Variants in AP3B1 observed in about 807,000 individuals in gnomAD.
AP3B1 encodes adaptor related protein complex 3 subunit beta 1, also known as AP-3 complex subunit beta-1.
AP3B1 carries 61 observed loss-of-function variants against 132.5 expected under a neutral mutation model. The observed-to-expected ratio is 0.46, with a 90% CI of 0.37 to 0.57. The LOEUF is 0.57. Ranked by LOEUF, AP3B1 falls within the 20% of genes least tolerant of loss-of-function variation. The pLI is 0.00. For synonymous variants in AP3B1, 388 were observed against 438.3 expected (o/e 0.89, Z 1.43); for missense variants, 1,120 against 1,289.4 (o/e 0.87, Z 2.01).
chr5:78,248,235 T>G (rs1241011557), intron 2 of AP3B1, among the ~76,000 whole-genome samples: 2 of 152,074 alleles, frequency 1.3e-5, no homozygotes, highest in Non-Finnish European at 2.9e-5. Flanking sequence ...CTCACGCCTG[T>G]AATCCCAGCA....
At chr5:78,257,342 A>T (rs1747888455) in intron 2 of AP3B1, among the ~76,000 whole-genome samples, 1 of 152,204 alleles carries the variant, frequency 6.6e-6, no homozygotes, top group Non-Finnish European at 1.5e-5. Flanking sequence ...CAAAATCAAC[A>T]TACCAAAATC....
chr5:78,035,376 TTATC>T (rs1454107073), intron 23 of AP3B1, among the ~76,000 whole-genome samples: 1 of 152,056 alleles, frequency 6.6e-6, no homozygotes, highest in African/African-American at 2.4e-5. Context: ...ATATTTAGCT[TTATC>T]TATTCTCTAT....
intron 21 of AP3B1, among the ~76,000 whole-genome samples, chr5:78,099,722 C>T (rs1026044086): frequency 6.6e-6 from 1 of 151,846 alleles, no homozygotes; most frequent in African/African-American, 2.4e-5. Context: ...CAGTGAAACC[C>T]GCCTCTACTA....
intron 22 of AP3B1, among the ~76,000 whole-genome samples, chr5:78,070,409 G>A (rs1156574469): frequency 1.8e-3 from 231 of 131,120 alleles, no homozygotes; most frequent in East Asian, 4.3e-3. Flanking sequence ...TCCATCTCAA[G>A]AAAAAAAAAA....
chr5:78,279,796 A>G (rs1748961115), intron 1 of AP3B1, among the ~76,000 whole-genome samples: 1 of 146,186 alleles, frequency 6.8e-6, no homozygotes, highest in East Asian at 2.0e-4. Flanking sequence ...TATATATATT[A>G]TATATTAAGT....
At chr5:78,171,854 A>G (rs554507092) in intron 11 of AP3B1, among the ~76,000 whole-genome samples, 26 of 152,340 alleles carry the variant, frequency 1.7e-4, no homozygotes, top group African/African-American at 4.3e-4. Context: ...TTGCCCATTC[A>G]GTATGATATT....
intron 7 of AP3B1, among the ~76,000 whole-genome samples, chr5:78,182,688 T>C (rs1188408585): frequency 2.0e-5 from 3 of 152,102 alleles, no homozygotes; most frequent in Non-Finnish European, 4.4e-5. Flanking sequence ...TATAAAACTT[T>C]TAGAAGTAAC....
chr5:78,185,859 G>C (rs768123345), intron 7 of AP3B1, among the ~76,000 whole-genome samples: 1 of 152,016 alleles, frequency 6.6e-6, no homozygotes, highest in Non-Finnish European at 1.5e-5. Flanking sequence ...GACAGAGTGA[G>C]ACCCTATCTC....
At chr5:78,193,732 G>GTGTATATATATATATC (rs1340871803) in intron 7 of AP3B1, among the ~76,000 whole-genome samples, 122 of 89,222 alleles carry the variant, frequency 1.4e-3, no homozygotes, top group African/African-American at 4.8e-3. Context: ...TTAAATATTT[G>GTGTATATATATATATC]TATATATTTT....
chr5:78,032,205 C>G (rs1561363833), intron 24 of AP3B1, among the ~76,000 whole-genome samples: 1 of 152,074 alleles, frequency 6.6e-6, no homozygotes, highest in Non-Finnish European at 1.5e-5. Context: ...AATCCAGAAG[C>G]TAAAGTAGGA....
chr5:78,184,123 T>C (rs1260272647), intron 7 of AP3B1, among the ~76,000 whole-genome samples: 2 of 150,316 alleles, frequency 1.3e-5, no homozygotes, highest in African/African-American at 4.9e-5. Context: ...GAGTGGAGAT[T>C]GCGCCACTGC....
chr5:78,056,945 T>C (rs1006383960), intron 22 of AP3B1, among the ~76,000 whole-genome samples: 8 of 152,228 alleles, frequency 5.3e-5, no homozygotes, highest in African/African-American at 1.7e-4. Context: ...GCAGCATTTG[T>C]TGGATGGAGA....
At chr5:78,165,786 C>G (rs750678511) in intron 11 of AP3B1, 114 bp from the exon 12 acceptor site, 1 of 813,588 alleles carries the variant, frequency 1.2e-6, no homozygotes, top group Non-Finnish European at 2.1e-6. Flanking sequence ...ATCACATTGT[C>G]AGCCGGGCAC....
chr5:78,172,730 T>A (rs1470743718), intron 11 of AP3B1, among the ~76,000 whole-genome samples: 20 of 151,756 alleles, frequency 1.3e-4, no homozygotes, highest in Admixed American at 1.3e-3. Context: ...TATTGGGTAT[T>A]TCGTTTTTGA....
chr5:78,291,061 T>C (rs895168316), intron 1 of AP3B1, among the ~76,000 whole-genome samples: 1 of 152,148 alleles, frequency 6.6e-6, no homozygotes, highest in Non-Finnish European at 1.5e-5. Context: ...ATAAATTAGG[T>C]ATAGGATCTA....
chr5:78,152,256 T>C (rs796089213), intron 14 of AP3B1, among the ~76,000 whole-genome samples: 34 of 151,758 alleles, frequency 2.2e-4, no homozygotes, highest in African/African-American at 8.2e-4. Context: ...AGACTTGGTA[T>C]TAGTTCTTCT....
intron 26 of AP3B1, among the ~76,000 whole-genome samples, chr5:78,013,566 T>C (rs1044062107): frequency 3.9e-5 from 6 of 152,196 alleles, no homozygotes; most frequent in African/African-American, 1.2e-4. Flanking sequence ...TACTTGATAA[T>C]ACAGCATTTT....
chr5:78,217,617 T>G (rs977861234), intron 6 of AP3B1, among the ~76,000 whole-genome samples: 18 of 152,130 alleles, frequency 1.2e-4, no homozygotes, highest in Non-Finnish European at 2.5e-4. Context: ...AAATTACATT[T>G]TGTGATAATT....
intron 21 of AP3B1, among the ~76,000 whole-genome samples, chr5:78,094,208 G>A (rs970798267): frequency 2.0e-5 from 3 of 152,026 alleles, no homozygotes; most frequent in African/African-American, 7.2e-5. Context: ...TTAATTTCCA[G>A]GAATATAAAA....
Sources: allele counts gnomAD v4.1 joint callset (sites outside exome capture counted in the v4.1 genomes callset), GRCh38; gene constraint gnomAD v4.1.1; transcripts MANE v1.5; gene names NCBI Gene and HGNC (gene_info 2026-07-23, HGNC 2026-07-21).